PRKAG2: variants seen among roughly 807,000 people sequenced by gnomAD.
The protein encoded by PRKAG2 is protein kinase AMP-activated non-catalytic subunit gamma 2.
In PRKAG2, 26 loss-of-function variants were observed where a neutral mutation model predicts 69.6. The ratio of observed to expected loss-of-function variants is 0.37; its 90% CI spans 0.27 to 0.52. The LOEUF (loss-of-function observed/expected upper bound fraction) is 0.52, where lower values mean the gene tolerates loss of function less well. PRKAG2 is among the 20% of genes least tolerant of loss of function. The pLI, the probability that PRKAG2 is intolerant of heterozygous loss-of-function variation, is 0.90. For missense variants in PRKAG2, 557 were observed against 740.0 expected (o/e 0.75, Z 2.87); for synonymous variants, 293 against 285.0 (o/e 1.03, Z -0.28).
rs187839742 is a variant in PRKAG2 at position 151,690,573 on chromosome 7, C to T, written c.467-14936G>A. ...GGGAGGGAAGGACAGGACCAGGGTT[C>T]CCGGATTCAATTGTACCACATCATA... On this transcript the variant is annotated intron_variant, in intron 3 of 15. Transcript: ENST00000287878. Among the ~76,000 whole-genome samples, 191 of 152,338 alleles carry T rather than the reference C, an allele frequency of 1.3e-3. 1 individual carries two copies. The highest frequency in any genetic ancestry group is 2.0e-3 in the Admixed American group (31 of 15,298).
At chr7:151,576,054 C>T (rs1808860655) in intron 7 of PRKAG2, 1 of 395,386 alleles carries the variant, frequency 2.5e-6, no homozygotes, top group Non-Finnish European at 4.7e-6. Flanking sequence ...CGATCATGGC[C>T]TTGACCTCCT....
intron 1 of PRKAG2, among the ~76,000 whole-genome samples, chr7:151,853,676 C>T (rs1245220289): frequency 1.3e-5 from 2 of 149,492 alleles, no homozygotes; most frequent in East Asian, 2.0e-4. Context: ...AGGAGAATGG[C>T]GTGAACCCGG....
At chr7:151,712,267 G>T (rs906875053) in intron 3 of PRKAG2, among the ~76,000 whole-genome samples, 4 of 152,196 alleles carry the variant, frequency 2.6e-5, no homozygotes, top group Non-Finnish European at 5.9e-5. Flanking sequence ...CACTCACCCG[G>T]GAAGGACGCT....
intron 1 of PRKAG2, among the ~76,000 whole-genome samples, chr7:151,831,354 G>A (rs940838319): frequency 6.6e-6 from 1 of 152,182 alleles, no homozygotes; most frequent in African/African-American, 2.4e-5. Context: ...TTTGATGAAT[G>A]AGCAAAACAT....
chr7:151,710,772 T>A (rs895704444), intron 3 of PRKAG2, among the ~76,000 whole-genome samples: 1 of 152,220 alleles, frequency 6.6e-6, no homozygotes, highest in African/African-American at 2.4e-5. Flanking sequence ...ACACTCTGCT[T>A]GCCCCTACAA....
chr7:151,687,475 C>G (rs1181393242), intron 3 of PRKAG2, among the ~76,000 whole-genome samples: 2 of 152,220 alleles, frequency 1.3e-5, no homozygotes, highest in African/African-American at 4.8e-5. Flanking sequence ...GCCTCAGTCC[C>G]TCTAATTATC....
At chr7:151,637,445 G>A (rs913218068) in intron 4 of PRKAG2, among the ~76,000 whole-genome samples, 3 of 152,148 alleles carry the variant, frequency 2.0e-5, no homozygotes, top group African/African-American at 2.4e-5. Context: ...CAGGAGGACC[G>A]CAAAAGTGGT....
chr7:151,699,316 C>A lies in PRKAG2; in HGVS notation c.467-23679G>T, dbSNP rs1413569856. On this transcript the variant is annotated intron_variant, in intron 3 of 15. Transcript: ENST00000287878. This position sits in a 1 kb window ranked among gnomAD's most constrained non-coding sequence, Gnocchi z 4.5. ...CGGTCAGGCTGCCTGCAGGCCTAGT[C>A]CCAGCAGATCTCCGGGAGATGCTGA... Among the ~76,000 whole-genome samples the A allele has an allele frequency of 1.3e-5, 2 of 152,206 alleles. No homozygotes were observed. The highest frequency in any genetic ancestry group is 2.4e-5 in the African/African-American group (1 of 41,454).
chr7:151,556,280 C>T lies in PRKAG2; in HGVS notation c.*921G>A, dbSNP rs1010150899. ...GTTTCTCTTCAACTGTATGACAATA[C>T]TGTATATGCCACAATAAAATTTACA... On this transcript the variant is annotated 3_prime_UTR_variant, in exon 16 of 16. Coordinates refer to ENST00000287878, the MANE Select transcript of PRKAG2 (RefSeq NM_016203.4). The T allele has an allele frequency of 2.0e-5, 3 of 152,410 alleles. No homozygotes were observed. Among genetic ancestry groups the T allele is most frequent in the Non-Finnish European group, 2.9e-5 (2 of 68,022 alleles). The allele number at this position is 152,410 out of a possible 1,614,324, so 9.4% of individuals were successfully genotyped here. A position where few individuals can be genotyped will look rare whatever the true frequency, so the allele number is the denominator to read the frequency against.
At chr7:151,861,319 C>A (rs940657789) in intron 1 of PRKAG2, among the ~76,000 whole-genome samples, 2 of 151,934 alleles carry the variant, frequency 1.3e-5, no homozygotes, top group African/African-American at 2.4e-5. Context: ...TCACTTGAGG[C>A]CAGGAGTTCA....
At chr7:151,631,524 G>A (rs962439664) in intron 5 of PRKAG2, 4 of 309,370 alleles carry the variant, frequency 1.3e-5, no homozygotes, top group African/African-American at 8.7e-5. Context: ...CAAGTGAGAG[G>A]AGAGGCGACA....
chr7:151,774,976 C>A (rs1397967313), intron 3 of PRKAG2, among the ~76,000 whole-genome samples: 1 of 152,166 alleles, frequency 6.6e-6, no homozygotes, highest in Non-Finnish European at 1.5e-5. Flanking sequence ...GTGGGCATTA[C>A]CTTGAGACAG....
At chr7:151,582,420 G>T (rs1563184678) in intron 6 of PRKAG2, among the ~76,000 whole-genome samples, 1 of 152,114 alleles carries the variant, frequency 6.6e-6, no homozygotes, top group Non-Finnish European at 1.5e-5. Context: ...CCAAAGTGCT[G>T]GGATTCCAGG....
intron 6 of PRKAG2, among the ~76,000 whole-genome samples, chr7:151,577,707 GA>G (rs57669970): frequency 0.021 from 3,192 of 148,832 alleles, 93 homozygotes; most frequent in African/African-American, 0.074. Context: ...CTTGAAAACT[GA>G]AAAAAAAATC....
At chr7:151,792,433 A>G (rs1203590803) in intron 1 of PRKAG2, among the ~76,000 whole-genome samples, 1 of 152,228 alleles carries the variant, frequency 6.6e-6, no homozygotes, top group Non-Finnish European at 1.5e-5. Flanking sequence ...CCCATAGGAT[A>G]ATAGACTTTC....
intron 5 of PRKAG2, among the ~76,000 whole-genome samples, chr7:151,625,762 A>C (rs1822704829): frequency 6.6e-6 from 1 of 152,168 alleles, no homozygotes; most frequent in East Asian, 1.9e-4. Context: ...AAAAGAAAGA[A>C]AACAAACCGA....
intron 6 of PRKAG2, among the ~76,000 whole-genome samples, chr7:151,587,511 C>T (rs1273875730): frequency 2.6e-5 from 4 of 152,112 alleles, no homozygotes; most frequent in African/African-American, 9.7e-5. Context: ...ACCTGGCACA[C>T]CTCAGCCAGG....
chr7:151,782,296 GAAA>G (rs2076717304), intron 2 of PRKAG2, among the ~76,000 whole-genome samples: 1 of 39,412 alleles, frequency 2.5e-5, no homozygotes, highest in Non-Finnish European at 6.1e-5. Flanking sequence ...AGAAAGGAAA[GAAA>G]GGAAGGAAGG....
At chr7:151,558,069 T>TA in intron 15 of PRKAG2, 1 of 985,124 alleles carries the variant, frequency 1.0e-6, no homozygotes, top group South Asian at 4.7e-5. Flanking sequence ...GGCAATCTAT[T>TA]AGAGCGTGTG....
Sources: gnomAD v4.1 joint callset for allele counts (sites outside exome capture counted in the v4.1 genomes callset) on GRCh38, gnomAD v4.1.1 for gene constraint, Gnocchi (gnomAD v3.1) non-coding constraint, MANE v1.5 for transcripts, NCBI Gene and HGNC (gene_info 2026-07-23, HGNC 2026-07-21) for gene names.